The following NWD2 variants were observed in gnomAD, a reference collection of about 807,000 sequenced individuals.
The protein encoded by NWD2 is NACHT and WD repeat domain containing 2, also known as NACHT and WD repeat domain-containing protein 2.
A neutral mutation model predicts 132.7 loss-of-function variants in NWD2; 37 were observed. The ratio of observed to expected loss-of-function variants is 0.28; its 90% CI spans 0.21 to 0.37. NWD2 has a LOEUF of 0.37. Ranked by LOEUF, NWD2 falls within the 10% of genes least tolerant of loss-of-function variation. NWD2 has a pLI of 1.00. For synonymous variants in NWD2, 705 were observed against 803.0 expected, an observed-to-expected ratio of 0.88 and a Z score of 2.06; for missense variants, 1,592 against 2,122.4, an observed-to-expected ratio of 0.75 and a Z score of 4.91.
chr4:37,441,481 C>T (rs1355440200), intron 6 of NWD2, among the ~76,000 whole-genome samples: 5 of 152,178 alleles, frequency 3.3e-5, no homozygotes, highest in Non-Finnish European at 7.3e-5. Flanking sequence ...TTGACTAAGT[C>T]AAAGGTTCAT....
chr4:37,346,154 T>G (rs1719632419), intron 2 of NWD2, among the ~76,000 whole-genome samples: 1 of 152,078 alleles, frequency 6.6e-6, no homozygotes, highest in South Asian at 2.1e-4. Flanking sequence ...CTCTCAAATT[T>G]ATGCCTATGA....
intron 1 of NWD2, among the ~76,000 whole-genome samples, chr4:37,259,199 G>A (rs571060948): frequency 1.1e-4 from 17 of 152,214 alleles, no homozygotes; most frequent in Admixed American, 7.2e-4. Context: ...CTGAGTCTCC[G>A]TTTTCTCATC....
At chr4:37,342,292 A>G (rs866768725) in intron 2 of NWD2, among the ~76,000 whole-genome samples, 2 of 152,004 alleles carry the variant, frequency 1.3e-5, no homozygotes, top group Admixed American at 6.6e-5. Flanking sequence ...CTCTCTCATT[A>G]TGTGACTCAC....
In NWD2 at chr4:37,305,241, A is replaced by T. The variant is rs138041085; in HGVS notation, c.152-20695A>T. On this transcript the variant is annotated intron_variant, in intron 1 of 6. Transcript: ENST00000309447. ...CACAGGGAACCTGTTTCAGGCCACGAAACTATTTTTCCCTTCTAGGTCTCC... is the reference window on the plus strand; with the variant it reads ...CACAGGGAACCTGTTTCAGGCCACGTAACTATTTTTCCCTTCTAGGTCTCC... 3.1e-3 allele frequency among the ~76,000 whole-genome samples: 467 copies of T among 152,300 alleles called. 2 individuals carry two copies. The highest frequency in any genetic ancestry group is 0.011 in the African/African-American group (445 of 41,554).
chr4:37,287,910 C>G (rs2040053), intron 1 of NWD2, among the ~76,000 whole-genome samples: 23,736 of 152,198 alleles, frequency 0.16, 2,361 homozygotes, highest in South Asian at 0.31. Flanking sequence ...GGAACCAACC[C>G]AAATGCCCAT....
In NWD2 at chr4:37,248,661, A is replaced by G. The variant is rs374789671; in HGVS notation, c.151+3443A>G. Reference sequence around the variant, plus strand: ...TAAAATCCTTTACTGTGATTAGCCTAAATAGTCCATGCATATGGAGATGAA... The same window carrying G: ...TAAAATCCTTTACTGTGATTAGCCTGAATAGTCCATGCATATGGAGATGAA... On this transcript the variant is annotated intron_variant, in intron 1 of 6. Coordinates refer to ENST00000309447, the MANE Select transcript of NWD2 (RefSeq NM_001144990.2). 6.6e-5 allele frequency among the ~76,000 whole-genome samples: 10 copies of G among 152,342 alleles called. No individual in the cohort carries two copies. The East Asian group carries it at 1.4e-3, about 21-fold the overall frequency.
At chr4:37,365,393 T>C (rs963630517) in intron 3 of NWD2, among the ~76,000 whole-genome samples, 1 of 152,198 alleles carries the variant, frequency 6.6e-6, no homozygotes, top group Non-Finnish European at 1.5e-5. Context: ...AACCAAAATG[T>C]ATTTTAAAAT....
chr4:37,281,476 T>C (rs894880996), intron 1 of NWD2, among the ~76,000 whole-genome samples: 13 of 152,054 alleles, frequency 8.5e-5, no homozygotes, highest in African/African-American at 3.1e-4. Context: ...TTAAGCCATG[T>C]CTCTATGAAC....
intron 2 of NWD2, 49 bp downstream of exon 2, chr4:37,326,073 A>T: frequency 8.4e-7 from 1 of 1,192,124 alleles, no homozygotes; most frequent in East Asian, 2.6e-5. Flanking sequence ...TTAAATAACT[A>T]GTGTTTGTTT....
chr4:37,314,580 C>T (rs116478583), intron 1 of NWD2, among the ~76,000 whole-genome samples: 2,669 of 152,130 alleles, frequency 0.018, 59 homozygotes, highest in Admixed American at 0.048. Flanking sequence ...GTATAGTATA[C>T]ACTTAAATTT....
intron 1 of NWD2, among the ~76,000 whole-genome samples, chr4:37,293,492 A>G (rs925070945): frequency 2.0e-5 from 3 of 152,222 alleles, no homozygotes; most frequent in African/African-American, 7.2e-5. Flanking sequence ...TTTTATACCT[A>G]TTTTGTGTCT....
At chr4:37,409,472 A>T (rs1721112426) in intron 3 of NWD2, among the ~76,000 whole-genome samples, 1 of 152,074 alleles carries the variant, frequency 6.6e-6, no homozygotes, top group Non-Finnish European at 1.5e-5. Flanking sequence ...AAAAATAAAA[A>T]GGAATGAACA....
At chr4:37,373,816 T>C (rs1390677077) in intron 3 of NWD2, among the ~76,000 whole-genome samples, 5 of 152,198 alleles carry the variant, frequency 3.3e-5, no homozygotes, top group Non-Finnish European at 5.9e-5. Context: ...CAAGTTTGGA[T>C]TTTGAAAACT....
intron 3 of NWD2, among the ~76,000 whole-genome samples, chr4:37,366,261 G>A (rs1266738508): frequency 6.6e-6 from 1 of 152,280 alleles, no homozygotes; most frequent in African/African-American, 2.4e-5. Context: ...CATCTAACTG[G>A]TGTTGCCTTT....
rs1431418100 is a variant in NWD2, at chr4:37,272,138, C to T, written c.151+26920C>T. On this transcript the variant is annotated intron_variant, in intron 1 of 6. Transcript: ENST00000309447. ...TCAAATGTTAAAGCAACCTGTTCTT[C>T]TTCAGATAACCTAACTTGGTCGTGA... is the stretch of plus-strand genomic sequence containing the variant. Among the ~76,000 whole-genome samples the T allele has an allele frequency of 2.0e-5, 3 of 151,746 alleles. No homozygotes were observed. The East Asian group carries it at 5.8e-4, about 29-fold the overall frequency.
At chr4:37,442,645 C>T (rs1047184236) in intron 6 of NWD2, among the ~76,000 whole-genome samples, 1 of 152,048 alleles carries the variant, frequency 6.6e-6, no homozygotes, top group Admixed American at 6.6e-5. Context: ...CTCTTTTAAC[C>T]ACCATTCTGT....
chr4:37,342,901 G>A (rs537297940), intron 2 of NWD2, among the ~76,000 whole-genome samples: 3 of 152,152 alleles, frequency 2.0e-5, no homozygotes, highest in African/African-American at 7.2e-5. Context: ...GTCCTTTCTG[G>A]GCTTAACTGA....
intron 3 of NWD2, among the ~76,000 whole-genome samples, chr4:37,392,161 A>G (rs2109312174): frequency 6.6e-6 from 1 of 152,294 alleles, no homozygotes; most frequent in Non-Finnish European, 1.5e-5. Flanking sequence ...AGATCGCACC[A>G]CTGCACTCCA....
intron 3 of NWD2, among the ~76,000 whole-genome samples, chr4:37,363,092 A>C (rs982055091): frequency 1.3e-5 from 2 of 152,256 alleles, no homozygotes; most frequent in African/African-American, 2.4e-5. Context: ...ATGCAAATCA[A>C]AACCACAATG....
Sources: allele counts gnomAD v4.1 joint callset (sites outside exome capture counted in the v4.1 genomes callset), GRCh38; gene constraint gnomAD v4.1.1; transcripts MANE v1.5; gene names NCBI Gene and HGNC (gene_info 2026-07-23, HGNC 2026-07-21).